The following CHRDL1 variants were observed in gnomAD, a reference collection of about 807,000 sequenced individuals.
CHRDL1 encodes chordin like 1.
A neutral mutation model predicts 40.9 loss-of-function variants in CHRDL1; 19 were observed. The observed-to-expected ratio is 0.46, with a 90% CI of 0.32 to 0.68. The LOEUF (loss-of-function observed/expected upper bound fraction) is 0.68. Among genes scored for constraint, CHRDL1 ranks in the 30% least tolerant of loss-of-function variants. CHRDL1 has a pLI of 0.03. For missense variants in CHRDL1, 329 were observed against 352.1 expected (o/e 0.93, Z 0.53); for synonymous variants, 136 against 123.4 (o/e 1.10, Z -0.68).
intron 9 of CHRDL1, among the ~76,000 whole-genome samples, chrX:110,687,018 C>A (rs141844479): frequency 1.8e-5 from 2 of 110,962 alleles, no homozygotes; most frequent in East Asian, 5.6e-4. Flanking sequence ...CCTGTCCACA[C>A]GCTGCCCCCT....
intron 7 of CHRDL1, among the ~76,000 whole-genome samples, chrX:110,697,850 A>T (rs1051962212): frequency 7.2e-5 from 7 of 97,446 alleles, no homozygotes; most frequent in Non-Finnish European, 1.4e-4. Context: ...ACACACACAC[A>T]CACACACACA....
intron 4 of CHRDL1, among the ~76,000 whole-genome samples, chrX:110,749,108 C>T (rs968146297): frequency 9.0e-6 from 1 of 111,319 alleles, no homozygotes; most frequent in African/African-American, 3.3e-5. Flanking sequence ...TTGTCCTCTC[C>T]TTCTCAATAT....
intron 4 of CHRDL1, among the ~76,000 whole-genome samples, chrX:110,749,502 A>G (rs1011746329): frequency 8.9e-6 from 1 of 111,941 alleles, no homozygotes; most frequent in Non-Finnish European, 1.9e-5. Flanking sequence ...GTAGCCATAC[A>G]TATATTTGCT....
At chrX:110,694,451 G>T in intron 7 of CHRDL1, 120 bp from the exon 8 acceptor site, 1 of 482,203 alleles carries the variant, frequency 2.1e-6, no homozygotes, top group Non-Finnish European at 3.3e-6. Flanking sequence ...GATTTCAGCT[G>T]CATGCTTACC....
chrX:110,773,275 T>C (rs1300358053), intron 2 of CHRDL1, among the ~76,000 whole-genome samples: 1 of 112,207 alleles, frequency 8.9e-6, no homozygotes, highest in Non-Finnish European at 1.9e-5. Context: ...ATAAGTGGTA[T>C]TTCCATTTTC....
intron 7 of CHRDL1, 32 bp downstream of exon 7, chrX:110,700,622 A>G: frequency 1.0e-6 from 1 of 975,257 alleles, no homozygotes. Context: ...GATGCTGTGG[A>G]GTGTTGAATT....
At chrX:110,702,840 A>G (rs2070543752) in intron 6 of CHRDL1, among the ~76,000 whole-genome samples, 1 of 111,931 alleles carries the variant, frequency 8.9e-6, no homozygotes, top group Non-Finnish European at 1.9e-5. Flanking sequence ...TCCCCCCATG[A>G]CAGCAGGGAT....
At chrX:110,752,406 T>G (rs1476237069) in intron 4 of CHRDL1, among the ~76,000 whole-genome samples, 3 of 111,747 alleles carry the variant, frequency 2.7e-5, no homozygotes, top group Admixed American at 9.5e-5. Context: ...CCCCTTGTAC[T>G]GTGTCAAGTG....
At chrX:110,795,498 G>T (rs1002534217) in intron 1 of CHRDL1, among the ~76,000 whole-genome samples, 2 of 111,457 alleles carry the variant, frequency 1.8e-5, no homozygotes, top group Non-Finnish European at 3.8e-5. Context: ...AATGCAGGCC[G>T]AGTGGGGAGG....
At chrX:110,680,473 G>T (rs139904161) in intron 10 of CHRDL1, among the ~76,000 whole-genome samples, 3,499 of 111,734 alleles carry the variant, frequency 0.031, 143 homozygotes, top group African/African-American at 0.11. Context: ...CATAAATACT[G>T]AGCAGTCTTT....
intron 6 of CHRDL1, among the ~76,000 whole-genome samples, chrX:110,707,537 G>A (rs1319084777): frequency 8.9e-6 from 1 of 111,836 alleles, no homozygotes; most frequent in Non-Finnish European, 1.9e-5. Flanking sequence ...AACAAGCAAT[G>A]GAGGAAAAGA....
intron 4 of CHRDL1, among the ~76,000 whole-genome samples, chrX:110,759,096 A>G (rs2089512492): frequency 8.9e-6 from 1 of 112,152 alleles, no homozygotes; most frequent in Admixed American, 9.4e-5. Flanking sequence ...AGATGTCCTA[A>G]CAGTTGTGTG....
chrX:110,762,948 G>A, intron 2 of CHRDL1, 141 bp from the exon 3 acceptor site: 1 of 465,033 alleles, frequency 2.2e-6, no homozygotes, highest in South Asian at 3.2e-5. Context: ...TCCTATTAGG[G>A]GATTAGTGTT....
chrX:110,734,309 T>C (rs1438879392), intron 4 of CHRDL1, among the ~76,000 whole-genome samples: 1 of 112,220 alleles, frequency 8.9e-6, no homozygotes, highest in Non-Finnish European at 1.9e-5. Context: ...TCTGTGGCTC[T>C]AAGGTTATGC....
Position 110,759,114 on chromosome X carries a change from C to A in CHRDL1, c.301+547G>T, listed in dbSNP as rs778091303. Among the ~76,000 whole-genome samples the A allele has an allele frequency of 2.7e-5, 3 of 112,159 alleles. No individual in the cohort carries two copies. In the South Asian group the frequency reaches 1.1e-3, roughly 41 times the overall value. ...TGTCCTAACAGTTGTGTGAAAAATTCTCTGCCTGGCTGCCCCTTAGAATTA... is the reference window on the plus strand; with the variant it reads ...TGTCCTAACAGTTGTGTGAAAAATTATCTGCCTGGCTGCCCCTTAGAATTA... On this transcript the variant is annotated intron_variant, in intron 4 of 11. Transcript: ENST00000372042.
At chrX:110,712,893 G>A (rs1199610761) in intron 6 of CHRDL1, among the ~76,000 whole-genome samples, 2 of 111,116 alleles carry the variant, frequency 1.8e-5, no homozygotes, top group African/African-American at 6.5e-5. Flanking sequence ...AGAAAGAAGA[G>A]TAAAAGAAAA....
intron 4 of CHRDL1, among the ~76,000 whole-genome samples, chrX:110,741,823 T>C (rs1427815482): frequency 8.9e-6 from 1 of 112,019 alleles, no homozygotes; most frequent in African/African-American, 3.2e-5. Context: ...CAGCAAACCA[T>C]CTGGCCATTC....
At chrX:110,738,885 T>TTTA (rs1411922723) in intron 4 of CHRDL1, among the ~76,000 whole-genome samples, 3 of 111,896 alleles carry the variant, frequency 2.7e-5, no homozygotes, top group African/African-American at 9.8e-5. Context: ...ATGGTTTCCT[T>TTTA]TTACTTTTTA....
chrX:110,706,895 C>T (rs2070650594), intron 6 of CHRDL1, among the ~76,000 whole-genome samples: 1 of 112,324 alleles, frequency 8.9e-6, no homozygotes, highest in Non-Finnish European at 1.9e-5. Flanking sequence ...AGACAAATCC[C>T]TGAGACAGGG....
Sources: allele counts gnomAD v4.1 joint callset (sites outside exome capture counted in the v4.1 genomes callset), GRCh38; gene constraint gnomAD v4.1.1; transcripts MANE v1.5; gene names NCBI Gene and HGNC (gene_info 2026-07-23, HGNC 2026-07-21).